Variants in GPHN observed in about 807,000 individuals in gnomAD.
The protein encoded by GPHN is gephyrin.
In GPHN, 17 loss-of-function variants were observed where a neutral mutation model predicts 95.5. The ratio of observed to expected loss-of-function variants is 0.18; its 90% CI spans 0.12 to 0.27. GPHN has a LOEUF of 0.27. Ranked by LOEUF, GPHN falls within the 10% of genes least tolerant of loss-of-function variation. The pLI, the probability that GPHN is intolerant of heterozygous loss-of-function variation, is 1.00. For missense variants in GPHN, 660 were observed against 978.1 expected (o/e 0.67, Z 4.34); for synonymous variants, 320 against 322.5 (o/e 0.99, Z 0.08).
the GPHN span, among the ~76,000 whole-genome samples, chr14:67,478,860 C>T: frequency 2.0e-4 from 30 of 152,310 alleles, no homozygotes; most frequent in African/African-American, 4.6e-4. Context: ...TTCATCTGAA[C>T]GCCAGCACCA....
intron 9 of GPHN, among the ~76,000 whole-genome samples, chr14:67,011,994 A>C (rs1333119389): frequency 6.6e-6 from 1 of 152,218 alleles, no homozygotes; most frequent in African/African-American, 2.4e-5. Flanking sequence ...AAAAGGAACC[A>C]AACTGGAATG....
intron 2 of GPHN, among the ~76,000 whole-genome samples, chr14:66,723,591 G>A (rs1431676139): frequency 1.3e-5 from 2 of 152,030 alleles, no homozygotes; most frequent in Non-Finnish European, 2.9e-5. Flanking sequence ...CCTTTTTAAA[G>A]TGTATACATC....
intron 9 of GPHN, among the ~76,000 whole-genome samples, chr14:67,006,064 T>G (rs1214570834): frequency 8.0e-6 from 1 of 124,558 alleles, no homozygotes; most frequent in Non-Finnish European, 1.5e-5. Context: ...TTACCATAGT[T>G]TTTCTTCTTT....
At chr14:67,687,526 C>CA in the GPHN span, among the ~76,000 whole-genome samples, 2 of 140,338 alleles carry the variant, frequency 1.4e-5, no homozygotes. Context: ...GGCTGGGGTG[C>CA]AATGGTATGA....
chr14:67,707,035 G>A, the GPHN span, among the ~76,000 whole-genome samples: 2 of 152,170 alleles, frequency 1.3e-5, no homozygotes, highest in African/African-American at 4.8e-5. Flanking sequence ...TACATCAGTA[G>A]GCAGGTATGA....
chr14:67,731,868 T>C, the GPHN span, among the ~76,000 whole-genome samples: 1 of 152,026 alleles, frequency 6.6e-6, no homozygotes, highest in Non-Finnish European at 1.5e-5. Flanking sequence ...GGCTCATGCA[T>C]GTAATCCCAG....
At chr14:67,225,493 G>A in the GPHN span, among the ~76,000 whole-genome samples, 1 of 152,172 alleles carries the variant, frequency 6.6e-6, no homozygotes, top group Non-Finnish European at 1.5e-5. Flanking sequence ...TTCAGGTGAG[G>A]CACTGGAAGA....
intron 10 of GPHN, among the ~76,000 whole-genome samples, chr14:67,048,933 G>C (rs536332274): frequency 1.7e-4 from 26 of 151,996 alleles, no homozygotes; most frequent in Non-Finnish European, 3.1e-4. Flanking sequence ...AAATAGTTTT[G>C]CTTCATAGGA....
chr14:67,016,817 G>A (rs968214212), intron 9 of GPHN, among the ~76,000 whole-genome samples: 4 of 152,058 alleles, frequency 2.6e-5, no homozygotes, highest in Non-Finnish European at 4.4e-5. Flanking sequence ...AGCATGATTT[G>A]TAGCAAATTC....
At chr14:67,118,875 T>G (rs2078852926) in intron 16 of GPHN, among the ~76,000 whole-genome samples, 1 of 152,232 alleles carries the variant, frequency 6.6e-6, no homozygotes, top group Non-Finnish European at 1.5e-5. Flanking sequence ...AAAAAATATT[T>G]GTTATGCTGG....
chr14:66,952,543 C>T (rs937489061), intron 8 of GPHN, among the ~76,000 whole-genome samples: 1 of 152,120 alleles, frequency 6.6e-6, no homozygotes, highest in African/African-American at 2.4e-5. Flanking sequence ...TGAATATACA[C>T]CTAGGAGTGG....
the GPHN span, among the ~76,000 whole-genome samples, chr14:67,289,979 C>T: frequency 6.6e-6 from 1 of 151,812 alleles, no homozygotes; most frequent in Non-Finnish European, 1.5e-5. Flanking sequence ...TCACCGTGTT[C>T]GCCAGGATGG....
chr14:67,531,129 A>G, the GPHN span, among the ~76,000 whole-genome samples: 2 of 152,140 alleles, frequency 1.3e-5, no homozygotes, highest in African/African-American at 2.4e-5. Flanking sequence ...TATCCAAAGA[A>G]AGGGGCTCTA....
At chr14:66,838,569 G>C (rs566779823) in intron 4 of GPHN, among the ~76,000 whole-genome samples, 1 of 152,188 alleles carries the variant, frequency 6.6e-6, no homozygotes, top group South Asian at 2.1e-4. Context: ...TAGCATACCA[G>C]AATACTTTGG....
the GPHN span, among the ~76,000 whole-genome samples, chr14:67,415,375 A>T: frequency 6.6e-6 from 1 of 152,220 alleles, no homozygotes; most frequent in African/African-American, 2.4e-5. Context: ...GAATTTAATC[A>T]TTCCCATGTA....
the GPHN span, among the ~76,000 whole-genome samples, chr14:67,378,314 C>CT: frequency 0.017 from 1,792 of 107,424 alleles, 8 homozygotes; most frequent in Middle Eastern, 0.034. Context: ...TCTCATGTGA[C>CT]TTTTTTTTTT....
the GPHN span, chr14:67,203,354 C>T: frequency 7.3e-7 from 1 of 1,362,806 alleles, no homozygotes; most frequent in Non-Finnish European, 9.9e-7. Flanking sequence ...CCCTGTGGAT[C>T]TGAAAACGGA....
chr14:67,012,905 TA>T (rs1440745380), intron 9 of GPHN, among the ~76,000 whole-genome samples: 2 of 152,132 alleles, frequency 1.3e-5, no homozygotes, highest in African/African-American at 2.4e-5. Flanking sequence ...TATCACTACT[TA>T]TTTTTTTATT....
At chr14:67,352,840 A>C in the GPHN span, 1 of 798,992 alleles carries the variant, frequency 1.3e-6, no homozygotes, top group African/African-American at 3.6e-5. Flanking sequence ...ATTAATTAAA[A>C]TAACAACAAC....
Sources: allele counts gnomAD v4.1 joint callset (sites outside exome capture counted in the v4.1 genomes callset), GRCh38; gene constraint gnomAD v4.1.1; transcripts MANE v1.5; gene names NCBI Gene and HGNC (gene_info 2026-07-23, HGNC 2026-07-21).